Variants in C10orf67 observed in about 807,000 individuals in gnomAD.
C10orf67 encodes chromosome 10 open reading frame 67.
In C10orf67, 60 loss-of-function variants were observed where a neutral mutation model predicts 35.6. That is an observed-to-expected ratio of 1.68 (90% CI 1.37 to 2.09). C10orf67 has a LOEUF of 2.09. C10orf67 is among the 30% of genes most tolerant of loss of function. The pLI, the probability that C10orf67 is intolerant of heterozygous loss-of-function variation, is 0.00. For missense variants in C10orf67, 474 were observed against 330.2 expected (o/e 1.44, Z -3.38); for synonymous variants, 167 against 115.8 (o/e 1.44, Z -2.84).
chr10:23,327,108 A>C (rs1845231948), intron 2 of C10orf67, among the ~76,000 whole-genome samples: 1 of 152,168 alleles, frequency 6.6e-6, no homozygotes, highest in Non-Finnish European at 1.5e-5. Context: ...TCATTAAAAG[A>C]ATAAAGATAA....
At position 23,226,607 on chromosome 10, in the gene C10orf67, G is replaced by C. The variant is rs57851652; in HGVS notation, c.1435-2789C>G. Among the ~76,000 whole-genome samples the C allele has an allele frequency of 6.8e-3, 1,033 of 151,972 alleles. 13 individuals carry two copies. Among genetic ancestry groups the C allele is most frequent in the African/African-American group, 0.024 (983 of 41,448 alleles). On this transcript the variant is annotated intron_variant, in intron 13 of 15. Coordinates refer to ENST00000636213, the MANE Select transcript of C10orf67 (RefSeq NM_001371909.1). ...CTAAGATCAGAGCAGAACTGAAGGA[G>C]ATACAGACGCAAAAAACCCTTCAAA...
intron 1 of C10orf67, among the ~76,000 whole-genome samples, chr10:23,336,720 G>C (rs1286873291): frequency 1.3e-5 from 2 of 151,936 alleles, no homozygotes; most frequent in Non-Finnish European, 2.9e-5. Flanking sequence ...CCCCATGTTG[G>C]CCAGGCCGGT....
intron 13 of C10orf67, among the ~76,000 whole-genome samples, chr10:23,225,711 G>A (rs186170709): frequency 7.2e-4 from 110 of 152,180 alleles, no homozygotes; most frequent in African/African-American, 2.6e-3. Context: ...AAAGGCAAGG[G>A]TTGCAATCCT....
rs534530289 is a variant in C10orf67 at position 23,340,609 on chromosome 10, AG to A, written c.206+3959del. 2.2e-3 allele frequency among the ~76,000 whole-genome samples: 330 copies of A among 152,324 alleles called. 4 individuals are homozygous for A. The highest frequency in any genetic ancestry group is 7.7e-3 in the African/African-American group (320 of 41,566). On this transcript the variant is annotated intron_variant, in intron 1 of 15. Transcript: ENST00000636213. ...AACTCTTTATGTGACTGACTCAAAA[AG>A]TTCCAGCTCATTCAGAATCTAACTG...
chr10:23,323,950 T>TACACAC (rs1564513698), intron 2 of C10orf67, among the ~76,000 whole-genome samples: 14 of 60,478 alleles, frequency 2.3e-4, no homozygotes, highest in Non-Finnish European at 3.6e-4. Flanking sequence ...TATATATATA[T>TACACAC]ATACACACAC....
At chr10:23,226,518 C>T (rs1841746676) in intron 13 of C10orf67, among the ~76,000 whole-genome samples, 1 of 152,102 alleles carries the variant, frequency 6.6e-6, no homozygotes, top group Non-Finnish European at 1.5e-5. Context: ...CCCAACCTCA[C>T]AACTAAAAGA....
At chr10:23,331,228 AGGAGGG>A (rs1845454824) in intron 2 of C10orf67, among the ~76,000 whole-genome samples, 1 of 4,136 alleles carries the variant, frequency 2.4e-4, no homozygotes, top group African/African-American at 1.4e-3. Flanking sequence ...AAGGGAAGGG[AGGAGGG>A]AAGGGAAGGG....
At chr10:23,253,350 C>T (rs963921565) in intron 10 of C10orf67, among the ~76,000 whole-genome samples, 4 of 152,016 alleles carry the variant, frequency 2.6e-5, no homozygotes, top group African/African-American at 7.3e-5. Flanking sequence ...TTTTGGAGTC[C>T]CTCCACCTAT....
chr10:23,251,125 G>A (rs1842444370), intron 10 of C10orf67, among the ~76,000 whole-genome samples: 1 of 152,028 alleles, frequency 6.6e-6, no homozygotes, highest in Non-Finnish European at 1.5e-5. Context: ...AGAGAACAAT[G>A]AGTTATATTT....
intron 13 of C10orf67, among the ~76,000 whole-genome samples, chr10:23,234,115 C>T (rs144856735): frequency 2.0e-5 from 3 of 152,198 alleles, no homozygotes; most frequent in East Asian, 3.9e-4. Context: ...AATAGTGTGG[C>T]GATTCCTGCA....
At chr10:23,218,251 C>T (rs1841482008) in intron 15 of C10orf67, among the ~76,000 whole-genome samples, 1 of 152,114 alleles carries the variant, frequency 6.6e-6, no homozygotes, top group Non-Finnish European at 1.5e-5. Context: ...GGTGATCTTC[C>T]CACCTCAGCT....
At chr10:23,250,713 C>A (rs1842425318) in intron 10 of C10orf67, 22 bp from the exon 11 acceptor site, 2 of 398,460 alleles carry the variant, frequency 5.0e-6, no homozygotes, top group Non-Finnish European at 8.9e-6. Context: ...AAATATAACA[C>A]AAAGTTAATT....
chr10:23,250,746 C>T (rs1004201922), intron 10 of C10orf67, 55 bp from the exon 11 acceptor site: 2 of 397,674 alleles, frequency 5.0e-6, no homozygotes, highest in African/African-American at 4.1e-5. Flanking sequence ...TATCTTGTTT[C>T]TCCATAAATC....
rs760974093 is a variant in C10orf67 at position 23,344,755 on chromosome 10, C to T, written c.20G>A (p.Arg7His). The T allele has an allele frequency of 5.9e-5, 92 of 1,565,832 alleles. No individual in the cohort carries two copies. The highest frequency in any genetic ancestry group is 3.0e-4 in the Admixed American group (16 of 52,714). Residue 7 changes from arginine (R) to histidine (H), a missense_variant, in exon 1 of 16, where the codon CGC (arginine) becomes CAC (histidine). By Grantham distance (29) the Arg-to-His change is conservative (BLOSUM62 0). Coordinates refer to ENST00000636213, the MANE Select transcript of C10orf67 (RefSeq NM_001371909.1). ...TATGCTCATGACATAATGAGCCCTG[C>T]GATCCCGGACCAAGGCCATCATAAG... The part of the protein sequence containing the change: MALVRD[R>H]RAHYVMSIVI...
chr10:23,243,766 A>C (rs117460382), intron 12 of C10orf67, among the ~76,000 whole-genome samples: 1 of 152,298 alleles, frequency 6.6e-6, no homozygotes, highest in Non-Finnish European at 1.5e-5. Flanking sequence ...ACCATAAAAC[A>C]AACATGAAGA....
At chr10:23,205,974 G>A (rs995980764) in intron 15 of C10orf67, among the ~76,000 whole-genome samples, 1 of 152,164 alleles carries the variant, frequency 6.6e-6, no homozygotes, top group African/African-American at 2.4e-5. Context: ...CTAACAATGT[G>A]CATTTTTGTA....
intron 15 of C10orf67, among the ~76,000 whole-genome samples, chr10:23,212,711 G>C (rs1014160563): frequency 2.0e-5 from 3 of 150,038 alleles, no homozygotes; most frequent in African/African-American, 7.4e-5. Context: ...TATAAGAACT[G>C]GCTGTAAACT....
At chr10:23,249,131 C>CA (rs57702096) in intron 12 of C10orf67, among the ~76,000 whole-genome samples, 884 of 21,550 alleles carry the variant, frequency 0.041, 145 homozygotes, top group Non-Finnish European at 0.046. Flanking sequence ...AACTCCCTCT[C>CA]AAAAAAAAAA....
chr10:23,254,553 G>A (rs1842549006), intron 10 of C10orf67, among the ~76,000 whole-genome samples: 1 of 151,974 alleles, frequency 6.6e-6, no homozygotes. Context: ...ATTCTCTTTT[G>A]AATTTGTATA....
Sources: gnomAD v4.1 joint callset for allele counts (sites outside exome capture counted in the v4.1 genomes callset) on GRCh38, gnomAD v4.1.1 for gene constraint, MANE v1.5 for transcripts, NCBI Gene and HGNC (gene_info 2026-07-23, HGNC 2026-07-21) for gene names.